Variants in PRDM6 observed in about 807,000 individuals in gnomAD.
The protein encoded by PRDM6 is putative histone-lysine N-methyltransferase PRDM6.
PRDM6 carries 25 observed loss-of-function variants against 60.8 expected under a neutral mutation model. The ratio of observed to expected loss-of-function variants is 0.41; its 90% CI spans 0.30 to 0.57. PRDM6 has a LOEUF of 0.57. PRDM6 is among the 20% of genes least tolerant of loss of function. PRDM6 has a pLI of 0.27. For synonymous variants in PRDM6, 407 were observed against 357.4 expected, an observed-to-expected ratio of 1.14 and a Z score of -1.57; for missense variants, 839 against 821.3, an observed-to-expected ratio of 1.02 and a Z score of -0.26.
rs535495657 is a variant in PRDM6, at chr5:123,115,158, T to C, written c.900+15197T>C. Among the ~76,000 whole-genome samples the C allele has an allele frequency of 9.9e-5, 15 of 152,146 alleles. No homozygotes were observed. In the East Asian group the frequency reaches 2.7e-3, roughly 27 times the overall value. On this transcript the variant is annotated intron_variant, in intron 3 of 7. Coordinates refer to ENST00000407847, the MANE Select transcript of PRDM6 (RefSeq NM_001136239.4). ...GCTAATTACCATGTAGCAGGTGTAG[T>C]TGTGGATGCCTCATCTCATTCCCCT...
chr5:123,111,427 G>A (rs1027617318), intron 3 of PRDM6, among the ~76,000 whole-genome samples: 6 of 152,200 alleles, frequency 3.9e-5, no homozygotes, highest in Admixed American at 1.3e-4. Context: ...GGCAGGGCGC[G>A]GTGGCTCACG....
chr5:123,152,187 T>A (rs1479166153), intron 3 of PRDM6, among the ~76,000 whole-genome samples: 1 of 152,188 alleles, frequency 6.6e-6, no homozygotes, highest in African/African-American at 2.4e-5. Context: ...GGACTGATTT[T>A]CAGTGGTGGC....
chr5:123,143,663 C>A (rs1765173233), intron 3 of PRDM6, among the ~76,000 whole-genome samples: 1 of 152,108 alleles, frequency 6.6e-6, no homozygotes, highest in East Asian at 1.9e-4. Flanking sequence ...TGCCAGCCTC[C>A]CACCCAGCTG....
intron 3 of PRDM6, among the ~76,000 whole-genome samples, chr5:123,141,936 C>G (rs1765112394): frequency 1.3e-5 from 2 of 152,134 alleles, no homozygotes; most frequent in Non-Finnish European, 2.9e-5. Flanking sequence ...CACTCCATGA[C>G]CATGCCTCCT....
intron 5 of PRDM6, among the ~76,000 whole-genome samples, chr5:123,169,366 G>A (rs770499574): frequency 9.9e-5 from 15 of 152,050 alleles, no homozygotes; most frequent in African/African-American, 2.9e-4. Flanking sequence ...TTATCTCCTC[G>A]GAAGTATTTC....
Position 123,190,884 on chromosome 5 carries a change from TC to T in PRDM6, c.*3685del, listed in dbSNP as rs1179126248. The T allele has an allele frequency of 6.6e-6, 1 of 152,262 alleles. No individual in the cohort carries two copies. The highest frequency in any genetic ancestry group is 1.5e-5 in the Non-Finnish European group (1 of 68,046). The allele number at this position is 152,262 out of a possible 1,614,324, so 9.4% of individuals were successfully genotyped here. On this transcript the variant is annotated 3_prime_UTR_variant, in exon 8 of 8. Transcript: ENST00000407847. ...GCTGCTAGTAAAATGGGTATTTTAG[TC>T]CTTTAGACCATTGTCTCAGTGAAGT...
At chr5:123,094,800 G>C (rs961929082) in intron 2 of PRDM6, among the ~76,000 whole-genome samples, 2 of 152,134 alleles carry the variant, frequency 1.3e-5, no homozygotes, top group African/African-American at 2.4e-5. Context: ...AGGGGCCGGC[G>C]AGGTTTATCT....
At position 123,160,640 on chromosome 5, in the gene PRDM6, A is replaced by T. The variant is rs540010959; in HGVS notation, c.1153+1002A>T. On this transcript the variant is annotated intron_variant, in intron 5 of 7. Coordinates refer to ENST00000407847, the MANE Select transcript of PRDM6 (RefSeq NM_001136239.4). ...CATATTATGACTGATCAAAATGCTG[A>T]TCGTCAGATATTTCTTTCCCATTTT... Among the ~76,000 whole-genome samples, 6 of 152,338 alleles carry T rather than the reference A, an allele frequency of 3.9e-5. No individual in the cohort carries two copies. In the East Asian group the frequency reaches 9.6e-4, roughly 24 times the overall value.
chr5:123,090,596 C>A lies in PRDM6; in HGVS notation c.582C>A (p.Asp194Glu). Residue 194 changes from aspartate (D) to glutamate (E), a missense_variant, in exon 2 of 8, where the codon GAC (aspartate) becomes GAA (glutamate). By Grantham distance (45) the Asp-to-Glu change is conservative. Around this residue, in one of 2 missense-constraint regions of PRDM6, gnomAD observed 730 missense variants for 648.8 expected, o/e 1.13. Transcript: ENST00000407847. ...TCCCGCTCAACCAGCACACCAGCGA[C>A]CCCAACAACCGTACGTAGCCGCAGC... ...EIIPLNQHTS[D>E]PNNRCDMCAD... 1 of 1,523,216 alleles carries A rather than the reference C, an allele frequency of 6.6e-7. No individual in the cohort carries two copies. The allele number at this position is 1,523,216 out of a possible 1,614,324, so 94.4% of individuals were successfully genotyped here. A position where few individuals can be genotyped will look rare whatever the true frequency, so the allele number is the denominator to read the frequency against.
Position 123,099,351 on chromosome 5 carries a change from A to G in PRDM6, c.593-303A>G, listed in dbSNP as rs1210740246. Among the ~76,000 whole-genome samples the G allele has an allele frequency of 6.6e-6, 1 of 152,148 alleles. No homozygotes were observed. Among genetic ancestry groups the G allele is most frequent in the African/African-American group, 2.4e-5 (1 of 41,440 alleles). ...CTGAAACGGGAGGAAGAAGCCTGGAACTGTCGGTTCCGTGGAGAGCGGACA... is the reference window on the plus strand; with the variant it reads ...CTGAAACGGGAGGAAGAAGCCTGGAGCTGTCGGTTCCGTGGAGAGCGGACA... On this transcript the variant is annotated intron_variant, in intron 2 of 7. Coordinates refer to ENST00000407847, the MANE Select transcript of PRDM6 (RefSeq NM_001136239.4). This position sits in a 1 kb window ranked among gnomAD's most constrained non-coding sequence, Gnocchi z 4.0.
chr5:123,151,764 A>G (rs1227555929), intron 3 of PRDM6, among the ~76,000 whole-genome samples: 2 of 152,178 alleles, frequency 1.3e-5, no homozygotes, highest in East Asian at 1.9e-4. Flanking sequence ...TTTTTCACAC[A>G]GGGTCCCCCA....
intron 3 of PRDM6, among the ~76,000 whole-genome samples, chr5:123,126,236 G>A (rs1178776183): frequency 6.6e-6 from 1 of 152,136 alleles, no homozygotes; most frequent in Non-Finnish European, 1.5e-5. Flanking sequence ...CTGAGGGGTA[G>A]TATCAATGAG....
intron 3 of PRDM6, among the ~76,000 whole-genome samples, chr5:123,142,876 C>A: frequency 3.7e-4 from 5 of 13,698 alleles, no homozygotes; most frequent in African/African-American, 5.7e-4. Context: ...ACAGTGAAGA[C>A]CAAAAAAAAA....
chr5:123,099,112 A>G lies in PRDM6; in HGVS notation c.593-542A>G, dbSNP rs1764032256. ...TTTAAATCGTCTCCTGTGTAATTGT[A>G]AAAAGAGGAAAGCTGAATACCCAGA... On this transcript the variant is annotated intron_variant, in intron 2 of 7. Transcript: ENST00000407847. The surrounding 1 kb of genome is among the most constrained non-coding windows in gnomAD (Gnocchi z 4.0). Among the ~76,000 whole-genome samples the G allele has an allele frequency of 6.6e-6, 1 of 152,132 alleles. No individual in the cohort carries two copies.
intron 3 of PRDM6, among the ~76,000 whole-genome samples, chr5:123,110,568 C>T (rs139735433): frequency 0.17 from 19,285 of 114,450 alleles, 1,335 homozygotes; most frequent in Non-Finnish European, 0.2. Flanking sequence ...TTTTTTTTTT[C>T]TTTTTTTTTT....
chr5:123,186,101 G>A (rs1281409998), intron 7 of PRDM6, among the ~76,000 whole-genome samples: 1 of 152,242 alleles, frequency 6.6e-6, no homozygotes, highest in Admixed American at 6.5e-5. Context: ...AGGCAGCCCA[G>A]GTAAGTAAGG....
chr5:123,132,556 A>C (rs1236123021), intron 3 of PRDM6, among the ~76,000 whole-genome samples: 5 of 152,138 alleles, frequency 3.3e-5, no homozygotes, highest in Admixed American at 3.3e-4. Flanking sequence ...GCACTCTCCA[A>C]GTGTGTTGAC....
At chr5:123,102,800 C>T (rs979785852) in intron 3 of PRDM6, among the ~76,000 whole-genome samples, 19 of 152,016 alleles carry the variant, frequency 1.2e-4, no homozygotes, top group African/African-American at 4.3e-4. Flanking sequence ...TATTTCAGTA[C>T]AATAAATGGA....
At chr5:123,179,489 G>A (rs73300863) in intron 6 of PRDM6, among the ~76,000 whole-genome samples, 2,674 of 152,304 alleles carry the variant, frequency 0.018, 74 homozygotes, top group African/African-American at 0.061. Context: ...GTGTTCATCT[G>A]TGCAATACCA....
Sources: allele counts gnomAD v4.1 joint callset (sites outside exome capture counted in the v4.1 genomes callset), GRCh38; gene constraint gnomAD v4.1.1; regional missense constraint gnomAD v4.1.1; non-coding constraint Gnocchi (gnomAD v3.1); transcripts MANE v1.5; gene names NCBI Gene and HGNC (gene_info 2026-07-23, HGNC 2026-07-21).